Variants in BABAM2 observed in about 807,000 individuals in gnomAD.
The protein encoded by BABAM2 is BRISC and BRCA1 A complex member 2.
Under a neutral mutation model 54.7 loss-of-function variants are expected in BABAM2, and 31 were observed. The ratio of observed to expected loss-of-function variants is 0.57; its 90% CI spans 0.43 to 0.77. The LOEUF is 0.77. Among genes scored for constraint, BABAM2 ranks in the 30% least tolerant of loss-of-function variants. The pLI is 0.00. For synonymous variants in BABAM2, 167 were observed against 162.9 expected (o/e 1.03, Z -0.19); for missense variants, 364 against 455.8 (o/e 0.80, Z 1.83).
intron 6 of BABAM2, among the ~76,000 whole-genome samples, chr2:28,062,736 A>G (rs1678997506): frequency 6.6e-6 from 1 of 152,206 alleles, no homozygotes; most frequent in South Asian, 2.1e-4. Context: ...AATCCTTCTT[A>G]TAAGCTTCCA....
At chr2:28,206,203 C>T (rs2147971037) in intron 7 of BABAM2, among the ~76,000 whole-genome samples, 1 of 152,148 alleles carries the variant, frequency 6.6e-6, no homozygotes, top group African/African-American at 2.4e-5. Flanking sequence ...TACCTATATT[C>T]TAGCAAAGGT....
chr2:28,158,905 G>A (rs57014762), intron 7 of BABAM2, among the ~76,000 whole-genome samples: 13,068 of 152,196 alleles, frequency 0.086, 609 homozygotes, highest in East Asian at 0.15. Context: ...TCTGTCTGAA[G>A]TTATCGCCAG....
At position 28,227,722 on chromosome 2, in the gene BABAM2, TC is replaced by T. The variant is rs59222091; in HGVS notation, c.681-9478del. 9.2e-3 allele frequency among the ~76,000 whole-genome samples: 1,403 copies of T among 152,222 alleles called. 14 individuals carry two copies. Among genetic ancestry groups the T allele is most frequent in the African/African-American group, 0.031 (1,308 of 41,530 alleles). On this transcript the variant is annotated intron_variant, in intron 7 of 11. Transcript: ENST00000379624. Reference sequence around the variant, plus strand: ...TTGCATTGACCACACCCCTTCCCATTCCAGCCCTGGCCGTGCATCATTGCAT... The same window carrying T: ...TTGCATTGACCACACCCCTTCCCATTCAGCCCTGGCCGTGCATCATTGCAT...
chr2:28,099,715 A>G (rs1666915480), intron 6 of BABAM2, among the ~76,000 whole-genome samples: 1 of 152,178 alleles, frequency 6.6e-6, no homozygotes, highest in Non-Finnish European at 1.5e-5. Context: ...ATTCTTACCT[A>G]TTTTTGGAAA....
intron 6 of BABAM2, among the ~76,000 whole-genome samples, chr2:28,081,264 T>C (rs1396438662): frequency 6.6e-6 from 1 of 152,174 alleles, no homozygotes; most frequent in Non-Finnish European, 1.5e-5. Context: ...GTGCTTCTTC[T>C]CACAGCCCTT....
rs1682407641 is a variant in BABAM2, at chr2:28,241,319, C to T, written c.781-4C>T. 1.2e-6 allele frequency: 2 copies of T among 1,613,636 alleles called. No individual in the cohort carries two copies. The highest frequency in any genetic ancestry group is 1.1e-5 in the South Asian group (1 of 91,058). ...TACTTCTCAGCTTTGGGTTTCTATT[C>T]CAGGTGCAGTACGTGATTCAAGGGT... is the stretch of plus-strand genomic sequence containing the variant. On this transcript the variant is annotated splice_region_variant and splice_polypyrimidine_tract_variant and intron_variant, in intron 8 of 11. Transcript: ENST00000379624.
At chr2:28,323,502 T>C (rs758870293) in intron 11 of BABAM2, among the ~76,000 whole-genome samples, 1 of 152,192 alleles carries the variant, frequency 6.6e-6, no homozygotes, top group Non-Finnish European at 1.5e-5. Context: ...GATAATAGTA[T>C]ATTAGACTGA....
chr2:27,986,309 A>G (rs1672393894), intron 3 of BABAM2, among the ~76,000 whole-genome samples: 1 of 152,162 alleles, frequency 6.6e-6, no homozygotes, highest in East Asian at 1.9e-4. Flanking sequence ...AAAAGGTATG[A>G]TAATGATTGA....
At chr2:27,948,129 C>G (rs989992216) in intron 3 of BABAM2, among the ~76,000 whole-genome samples, 7 of 151,462 alleles carry the variant, frequency 4.6e-5, no homozygotes, top group African/African-American at 1.7e-4. Context: ...TTTTAGTTTT[C>G]TATGTTATTA....
chr2:28,190,437 A>G (rs1443491273), intron 7 of BABAM2, among the ~76,000 whole-genome samples: 1 of 152,198 alleles, frequency 6.6e-6, no homozygotes, highest in African/African-American at 2.4e-5. Context: ...CTGTAATTCT[A>G]GCACTTTGGG....
intron 5 of BABAM2, among the ~76,000 whole-genome samples, chr2:28,038,584 G>A (rs751417457): frequency 2.0e-5 from 3 of 152,068 alleles, no homozygotes; most frequent in Non-Finnish European, 4.4e-5. Flanking sequence ...ATCGTTATGT[G>A]TGTGTGTGCT....
chr2:28,108,549 T>C (rs1040882497), intron 6 of BABAM2, among the ~76,000 whole-genome samples: 2 of 152,240 alleles, frequency 1.3e-5, no homozygotes, highest in Admixed American at 6.5e-5. Context: ...TTATGGTTCT[T>C]CTAAATCTGT....
chr2:28,274,722 A>G (rs1424259844), intron 10 of BABAM2, among the ~76,000 whole-genome samples: 1 of 152,218 alleles, frequency 6.6e-6, no homozygotes, highest in Non-Finnish European at 1.5e-5. Context: ...CTCAGTAACC[A>G]CTTGCTGAAA....
chr2:28,004,566 C>T (rs1673816347), intron 4 of BABAM2, among the ~76,000 whole-genome samples: 1 of 152,116 alleles, frequency 6.6e-6, no homozygotes, highest in Non-Finnish European at 1.5e-5. Flanking sequence ...CTAAAATAGT[C>T]TACCAGAGGT....
At chr2:28,204,950 T>G (rs1317651092) in intron 7 of BABAM2, among the ~76,000 whole-genome samples, 1 of 151,404 alleles carries the variant, frequency 6.6e-6, no homozygotes, top group Non-Finnish European at 1.5e-5. Context: ...TCACTTTCAG[T>G]AAAAAAGTTT....
intron 11 of BABAM2, among the ~76,000 whole-genome samples, chr2:28,335,498 G>A (rs1691370746): frequency 6.6e-6 from 1 of 152,166 alleles, no homozygotes; most frequent in African/African-American, 2.4e-5. Context: ...AGCTTGTAAT[G>A]GACATACTGT....
At chr2:28,267,861 A>G (rs1315240946) in intron 10 of BABAM2, among the ~76,000 whole-genome samples, 1 of 152,272 alleles carries the variant, frequency 6.6e-6, no homozygotes, top group Non-Finnish European at 1.5e-5. Flanking sequence ...TGATGAGCAC[A>G]TGTTCAAGAA....
intron 11 of BABAM2, among the ~76,000 whole-genome samples, chr2:28,316,104 T>C (rs996490004): frequency 4.6e-5 from 7 of 152,162 alleles, no homozygotes; most frequent in Non-Finnish European, 8.8e-5. Flanking sequence ...AATAATTTAG[T>C]GTAAGTATGC....
intron 8 of BABAM2, among the ~76,000 whole-genome samples, chr2:28,240,368 C>T (rs1682300909): frequency 6.6e-6 from 1 of 152,048 alleles, no homozygotes; most frequent in Non-Finnish European, 1.5e-5. Flanking sequence ...AAGTAATCCT[C>T]CTGCTTCAGA....
Sources: allele counts gnomAD v4.1 joint callset (sites outside exome capture counted in the v4.1 genomes callset), GRCh38; gene constraint gnomAD v4.1.1; transcripts MANE v1.5; gene names NCBI Gene and HGNC (gene_info 2026-07-23, HGNC 2026-07-21).